The following SLC26A5 variants were observed in gnomAD, a reference collection of about 807,000 sequenced individuals.
The protein encoded by SLC26A5 is solute carrier family 26 member 5, also known as prestin.
In SLC26A5, 51 loss-of-function variants were observed where a neutral mutation model predicts 81.0. The observed-to-expected ratio is 0.63, with a 90% CI of 0.50 to 0.80. SLC26A5 has a LOEUF of 0.80. Ranked by LOEUF, SLC26A5 falls within the 30% of genes least tolerant of loss-of-function variation. The pLI is 0.00. For missense variants in SLC26A5, 771 were observed against 905.8 expected (o/e 0.85, Z 1.91); for synonymous variants, 325 against 332.8 (o/e 0.98, Z 0.25).
chr7:103,374,357 T>C lies in SLC26A5; in HGVS notation c.*42A>G. 6.2e-7 allele frequency: 1 copy of C among 1,610,794 alleles called. No individual in the cohort carries two copies. The highest frequency in any genetic ancestry group is 1.7e-5 in the Admixed American group (1 of 59,812). On this transcript the variant is annotated 3_prime_UTR_variant, in exon 20 of 20. Coordinates refer to ENST00000306312, the MANE Select transcript of SLC26A5 (RefSeq NM_198999.3). ...ATTTAAAACGTGTAAATTATGAACT[T>C]CATGAGAGGCTTATAACCCCATCCT...
intron 11 of SLC26A5, 38 bp downstream of exon 11, chr7:103,391,584 C>G: frequency 6.7e-7 from 1 of 1,495,764 alleles, no homozygotes. Flanking sequence ...TAATTACCAC[C>G]CATATCATCA....
chr7:103,380,782 A>T (rs946325903), intron 14 of SLC26A5, among the ~76,000 whole-genome samples: 3 of 151,740 alleles, frequency 2.0e-5, no homozygotes, highest in African/African-American at 7.3e-5. Flanking sequence ...ACACACACAC[A>T]TACATACCAC....
At chr7:103,409,121 C>T (rs1213966001) in intron 7 of SLC26A5, among the ~76,000 whole-genome samples, 1 of 152,232 alleles carries the variant, frequency 6.6e-6, no homozygotes, top group African/African-American at 2.4e-5. Context: ...ATTTAACTTT[C>T]AGAGCAGCTG....
chr7:103,402,509 C>G (rs914190071), intron 8 of SLC26A5, among the ~76,000 whole-genome samples: 3 of 151,068 alleles, frequency 2.0e-5, no homozygotes, highest in Non-Finnish European at 4.4e-5. Flanking sequence ...AAGTGATTCT[C>G]CTGCCTCAAC....
intron 4 of SLC26A5, among the ~76,000 whole-genome samples, chr7:103,414,812 AC>A (rs766352388): frequency 1.2e-4 from 19 of 152,178 alleles, no homozygotes; most frequent in Non-Finnish European, 2.4e-4. Context: ...AGCAGTCTTC[AC>A]AAACTCCAGG....
downstream of SLC26A5, chr7:103,374,149 G>A: frequency 8.0e-7 from 1 of 1,248,148 alleles, no homozygotes; most frequent in Non-Finnish European, 1.0e-6. Flanking sequence ...AGCTTACAAA[G>A]ATAATACTAG....
intron 10 of SLC26A5, among the ~76,000 whole-genome samples, chr7:103,392,639 G>A (rs1372760201): frequency 1.3e-5 from 2 of 152,208 alleles, no homozygotes; most frequent in African/African-American, 2.4e-5. Context: ...GTGCAGCGGC[G>A]CGACCTCGGC....
intron 11 of SLC26A5, 26 bp downstream of exon 11, chr7:103,391,596 G>A (rs749821549): frequency 1.9e-6 from 3 of 1,568,902 alleles, no homozygotes; most frequent in Admixed American, 1.7e-5. Flanking sequence ...ATATCATCAG[G>A]TCTTAGAGGC....
intron 19 of SLC26A5, among the ~76,000 whole-genome samples, chr7:103,376,339 G>A (rs1821351496): frequency 6.6e-6 from 1 of 152,170 alleles, no homozygotes; most frequent in Non-Finnish European, 1.5e-5. Context: ...GCCTCCCGAA[G>A]TGCTGGGATT....
intron 8 of SLC26A5, among the ~76,000 whole-genome samples, chr7:103,404,044 G>A (rs191072755): frequency 2.6e-5 from 4 of 152,108 alleles, no homozygotes; most frequent in South Asian, 4.1e-4. Context: ...CTAGCTGGGC[G>A]TGGTGGCAGG....
chr7:103,396,527 A>G (rs1416320896), intron 9 of SLC26A5, among the ~76,000 whole-genome samples: 2 of 152,256 alleles, frequency 1.3e-5, no homozygotes, highest in South Asian at 4.1e-4. Context: ...ATATGCTACA[A>G]TATAGACAAA....
Position 103,441,518 on chromosome 7 carries a change from A to G in SLC26A5, c.-54+1565T>C, listed in dbSNP as rs541610962. On this transcript the variant is annotated intron_variant, in intron 2 of 19. Coordinates refer to ENST00000306312, the MANE Select transcript of SLC26A5 (RefSeq NM_198999.3). ...TAACTCAATAGTCTTCAACTACTTG[A>G]GAAGGTGTGAGGATCATTTTTTATC... Among the ~76,000 whole-genome samples, 14 of 152,294 alleles carry G rather than the reference A, an allele frequency of 9.2e-5. No homozygotes were observed. In the South Asian group the frequency reaches 2.7e-3, roughly 29 times the overall value.
At chr7:103,408,463 G>A (rs1824234470) in intron 7 of SLC26A5, among the ~76,000 whole-genome samples, 1 of 152,176 alleles carries the variant, frequency 6.6e-6, no homozygotes, top group African/African-American at 2.4e-5. Flanking sequence ...CTGACCTCAA[G>A]TCATCTGCCT....
chr7:103,439,590 G>A (rs1826716872), intron 2 of SLC26A5, among the ~76,000 whole-genome samples: 2 of 152,170 alleles, frequency 1.3e-5, no homozygotes, highest in South Asian at 4.1e-4. Flanking sequence ...CTGGAGTGCA[G>A]TGGTGCGATC....
chr7:103,361,510 C>CAAAAAAAAAAAAAAAAAAA (rs759044767), intron 19 of SLC26A5, among the ~76,000 whole-genome samples: 2 of 51,102 alleles, frequency 3.9e-5, no homozygotes, highest in Non-Finnish European at 8.1e-5. Flanking sequence ...AACTCCATCT[C>CAAAAAAAAAAAAAAAAAAA]AAAAAAAAAA....
intron 8 of SLC26A5, among the ~76,000 whole-genome samples, chr7:103,403,686 A>C (rs1489393223): frequency 1.4e-5 from 2 of 146,738 alleles, no homozygotes; most frequent in Non-Finnish European, 3.0e-5. Context: ...CTAGAACTGC[A>C]ATCCCCTGCT....
rs781053967 is a variant in SLC26A5 at position 103,421,446 on chromosome 7, A to G, written c.69T>C (p.Phe23=). The change falls in exon 3 of 20, where the codon TTT becomes TTC. Residue 23 remains phenylalanine, a synonymous_variant. Transcript: ENST00000306312. ...TQRYYVERPI[F]SHPVLQERLH... is the part of the protein sequence containing the mutation. ...GTCTTTCCTGGAGGACCGGATGACTAAAGATAGGCCTTTCCACATAGTACC... is the reference window on the plus strand; with the variant it reads ...GTCTTTCCTGGAGGACCGGATGACTGAAGATAGGCCTTTCCACATAGTACC... The G allele has an allele frequency of 6.2e-7, 1 of 1,614,064 alleles. No individual in the cohort carries two copies. Among genetic ancestry groups the G allele is most frequent in the South Asian group, 1.1e-5 (1 of 91,084 alleles).
intron 6 of SLC26A5, 32 bp downstream of exon 6, chr7:103,411,388 A>G: frequency 6.2e-7 from 1 of 1,613,340 alleles, no homozygotes; most frequent in Non-Finnish European, 8.5e-7. Flanking sequence ...TTAACAAACG[A>G]GACAGTCCAT....
In SLC26A5 at chr7:103,394,252, C is replaced by T. The variant is rs569179208; in HGVS notation, c.972-1186G>A. On this transcript the variant is annotated intron_variant, in intron 9 of 19. Transcript: ENST00000306312. ...TACCTGCTACATGCTTTACATAAGT[C>T]GTCTCATTTTCCCTCACAGCACTCC... 3.9e-5 allele frequency among the ~76,000 whole-genome samples: 6 copies of T among 152,342 alleles called. No homozygotes were observed. In the South Asian group the frequency reaches 6.2e-4, roughly 16 times the overall value.
Sources: gnomAD v4.1 joint callset for allele counts (sites outside exome capture counted in the v4.1 genomes callset) on GRCh38, gnomAD v4.1.1 for gene constraint, MANE v1.5 for transcripts, NCBI Gene and HGNC (gene_info 2026-07-23, HGNC 2026-07-21) for gene names.